Variants in DTL observed in about 807,000 individuals in gnomAD.
The protein encoded by DTL is denticleless E3 ubiquitin protein ligase adapter.
DTL carries 46 observed loss-of-function variants against 87.0 expected under a neutral mutation model. That is an observed-to-expected ratio of 0.53 (90% confidence interval 0.42 to 0.68). The LOEUF (loss-of-function observed/expected upper bound fraction) is 0.68. Ranked by LOEUF, DTL falls within the 30% of genes least tolerant of loss-of-function variation. The probability of loss-of-function intolerance (pLI) is 0.00; values close to 1 mark genes in which losing one functional copy is unlikely to be tolerated. For synonymous variants in DTL, 308 were observed against 311.2 expected (o/e 0.99, Z 0.11); for missense variants, 737 against 869.4 (o/e 0.85, Z 1.91).
At position 212,068,412 on chromosome 1, in the gene DTL, T is replaced by C. The variant is rs535999004; in HGVS notation, c.817+85T>C. ...AGGCTAATTTCCAGTAACATTGATA[T>C]GAAAAATTCTAATATGTGAAGTTCA... On this transcript the variant is annotated intron_variant, in intron 9 of 14. Coordinates refer to ENST00000366991, the MANE Select transcript of DTL (RefSeq NM_016448.4). The C allele has an allele frequency of 5.4e-4, 532 of 983,408 alleles. 1 individual carries two copies. The highest frequency in any genetic ancestry group is 1.0e-3 in the Admixed American group (38 of 37,658). 60.9% of individuals were successfully genotyped at this position (983,408 alleles called of 1,614,324 possible). A position where few individuals can be genotyped will look rare whatever the true frequency, so the allele number is the denominator to read the frequency against.
At chr1:212,088,404 T>C (rs979171711) in intron 13 of DTL, among the ~76,000 whole-genome samples, 12 of 152,188 alleles carry the variant, frequency 7.9e-5, no homozygotes, top group African/African-American at 2.9e-4. Flanking sequence ...GGCCTAAAGA[T>C]GAGTAAACCA....
chr1:212,104,068 T>G lies in DTL; in HGVS notation c.*1128T>G, dbSNP rs936772041. ...TAAGTTAATAATGTGCAAAATATCT[T>G]AAACATCCCTCCCCTTATTCAACAA... On this transcript the variant is annotated 3_prime_UTR_variant, in exon 15 of 15. Transcript: ENST00000366991. 1.2e-4 allele frequency: 18 copies of G among 152,330 alleles called. No individual in the cohort carries two copies. The highest frequency in any genetic ancestry group is 3.8e-4 in the African/African-American group (16 of 41,580). The allele number at this position is 152,330 out of a possible 1,614,324, so 9.4% of individuals were successfully genotyped here. A position where few individuals can be genotyped will look rare whatever the true frequency, so the allele number is the denominator to read the frequency against.
chr1:212,059,834 C>T (rs911250920), intron 5 of DTL, among the ~76,000 whole-genome samples: 7 of 131,688 alleles, frequency 5.3e-5, no homozygotes, highest in Non-Finnish European at 1.2e-4. Flanking sequence ...TTAAAAGTTG[C>T]AGAATACAAA....
intron 7 of DTL, among the ~76,000 whole-genome samples, chr1:212,065,926 C>T (rs1654484099): frequency 1.3e-5 from 2 of 152,058 alleles, no homozygotes; most frequent in South Asian, 4.1e-4. Flanking sequence ...AGGATAGCCT[C>T]AATCTCCTGA....
At chr1:212,037,227 C>G (rs1368653865) in intron 1 of DTL, among the ~76,000 whole-genome samples, 1 of 152,176 alleles carries the variant, frequency 6.6e-6, no homozygotes, top group African/African-American at 2.4e-5. Flanking sequence ...TCTCCTAATT[C>G]TCCATGTGTT....
At chr1:212,077,667 T>C (rs1190690928) in intron 11 of DTL, 1 of 153,946 alleles carries the variant, frequency 6.5e-6, no homozygotes, top group Non-Finnish European at 1.5e-5. Flanking sequence ...GACCATCATC[T>C]TGTCCGAAGA....
At chr1:212,068,922 TAGAG>T (rs1213314167) in intron 10 of DTL, among the ~76,000 whole-genome samples, 3 of 152,250 alleles carry the variant, frequency 2.0e-5, no homozygotes, top group Non-Finnish European at 4.4e-5. Flanking sequence ...TTTATTTTAA[TAGAG>T]AGTATCTCCT....
chr1:212,077,707 G>A (rs931514970), intron 11 of DTL: 3 of 153,804 alleles, frequency 2.0e-5, no homozygotes, highest in Non-Finnish European at 2.9e-5. Context: ...GAAATCTTCA[G>A]GTTTCACAGT....
intron 5 of DTL, among the ~76,000 whole-genome samples, chr1:212,048,756 A>T (rs1004193547): frequency 3.9e-5 from 6 of 151,988 alleles, no homozygotes; most frequent in African/African-American, 1.4e-4. Flanking sequence ...TCTCTGAAGT[A>T]ATCTGACTTT....
intron 13 of DTL, among the ~76,000 whole-genome samples, chr1:212,081,432 G>T (rs1249085077): frequency 6.6e-6 from 1 of 152,252 alleles, no homozygotes; most frequent in Non-Finnish European, 1.5e-5. Flanking sequence ...ATGAAATTCT[G>T]TGAGACTTTG....
At chr1:212,070,516 A>G (rs1320610336) in intron 10 of DTL, among the ~76,000 whole-genome samples, 2 of 151,946 alleles carry the variant, frequency 1.3e-5, no homozygotes, top group East Asian at 1.9e-4. Context: ...AGGCTGAGGT[A>G]GGAGGATTGT....
At chr1:212,101,487 A>G (rs1655625262) in intron 14 of DTL, among the ~76,000 whole-genome samples, 1 of 152,184 alleles carries the variant, frequency 6.6e-6, no homozygotes, top group Non-Finnish European at 1.5e-5. Flanking sequence ...TCCTCTTTTT[A>G]TAGATAAAGC....
At chr1:212,086,117 T>C (rs1655122584) in intron 13 of DTL, among the ~76,000 whole-genome samples, 1 of 152,240 alleles carries the variant, frequency 6.6e-6, no homozygotes, top group Non-Finnish European at 1.5e-5. Context: ...TTATACAAAT[T>C]TTAGTTTCAG....
At chr1:212,045,369 A>G (rs1667776664) in intron 3 of DTL, among the ~76,000 whole-genome samples, 1 of 152,250 alleles carries the variant, frequency 6.6e-6, no homozygotes, top group Admixed American at 6.5e-5. Flanking sequence ...AGTTAAGAAA[A>G]ATACTTTTTA....
intron 13 of DTL, among the ~76,000 whole-genome samples, chr1:212,086,153 G>C (rs1655123368): frequency 6.6e-6 from 1 of 152,138 alleles, no homozygotes; most frequent in South Asian, 2.1e-4. Flanking sequence ...AAAATAGCCA[G>C]CTAGGATTTT....
intron 11 of DTL, among the ~76,000 whole-genome samples, chr1:212,076,483 C>T (rs1654833737): frequency 6.6e-6 from 1 of 152,000 alleles, no homozygotes; most frequent in Non-Finnish European, 1.5e-5. Flanking sequence ...CTTATTTTAA[C>T]CCTTGGTGTA....
At chr1:212,041,649 C>T (rs1303265952) in intron 1 of DTL, among the ~76,000 whole-genome samples, 1 of 151,976 alleles carries the variant, frequency 6.6e-6, no homozygotes, top group Non-Finnish European at 1.5e-5. Flanking sequence ...GGACTACAGG[C>T]GCCTGCCACC....
At chr1:212,040,155 T>G (rs1359764427) in intron 1 of DTL, among the ~76,000 whole-genome samples, 2 of 152,242 alleles carry the variant, frequency 1.3e-5, no homozygotes, top group African/African-American at 4.8e-5. Flanking sequence ...CTTCATATTC[T>G]TATTCTATAA....
chr1:212,068,364 T>G, intron 9 of DTL, 37 bp downstream of exon 9: 1 of 1,336,948 alleles, frequency 7.5e-7, no homozygotes, highest in South Asian at 1.3e-5. Context: ...GAGATAAGAG[T>G]TTTTGTTTAA....
Sources: gnomAD v4.1 joint callset for allele counts (sites outside exome capture counted in the v4.1 genomes callset) on GRCh38, gnomAD v4.1.1 for gene constraint, MANE v1.5 for transcripts, NCBI Gene and HGNC (gene_info 2026-07-23, HGNC 2026-07-21) for gene names.